The following KRIT1 variants were observed in gnomAD, a reference collection of about 807,000 sequenced individuals.
KRIT1 encodes KRIT1 ankyrin repeat containing.
A neutral mutation model predicts 95.8 loss-of-function variants in KRIT1; 45 were observed. The ratio of observed to expected loss-of-function variants is 0.47; its 90% CI spans 0.37 to 0.60. The LOEUF is 0.60. Ranked by LOEUF, KRIT1 falls within the 20% of genes least tolerant of loss-of-function variation. The probability of loss-of-function intolerance (pLI) is 0.00; values close to 1 mark genes in which losing one functional copy is unlikely to be tolerated. For synonymous variants in KRIT1, 282 were observed against 278.8 expected, an observed-to-expected ratio of 1.01 and a Z score of -0.11; for missense variants, 788 against 877.5, an observed-to-expected ratio of 0.90 and a Z score of 1.29.
chr7:92,203,996 G>A (rs940334820), intron 17 of KRIT1: 2 of 152,756 alleles, frequency 1.3e-5, no homozygotes, highest in Non-Finnish European at 2.9e-5. Context: ...ACTTTGTGAG[G>A]CTAAGGTGGG....
rs781645704 is a variant in KRIT1, at chr7:92,200,738, A to G, written c.2209T>C (p.Ter737ArgextTer13). Residue 737 changes from the stop codon to arginine (R), a stop_lost, in exon 19 of 19, where the codon TGA becomes CGA. Transcript: ENST00000394505. Reference protein sequence around the residue: ...GQLMPTERNS* With the variant: ...GQLMPTERNSR The stretch of plus-strand genomic sequence containing the variant: ...CTTGAGTAACAGTTACTTCTCTTTC[A>G]TGAATTTCTTTCAGTGGGCATTAAC... 6.3e-7 allele frequency: 1 copy of G among 1,592,928 alleles called. No individual in the cohort carries two copies. The highest frequency in any genetic ancestry group is 8.6e-7 in the Non-Finnish European group (1 of 1,160,724).
chr7:92,227,948 G>A (rs1796526358), intron 10 of KRIT1, among the ~76,000 whole-genome samples: 1 of 152,052 alleles, frequency 6.6e-6, no homozygotes, highest in African/African-American at 2.4e-5. Flanking sequence ...GGAGGCGGAG[G>A]TTGCAGTGAG....
In KRIT1 at chr7:92,234,425, GA is replaced by G. The variant is rs1317403313; in HGVS notation, c.989+23del. On this transcript the variant is annotated intron_variant, in intron 10 of 18. Coordinates refer to ENST00000394505, the MANE Select transcript of KRIT1 (RefSeq NM_194454.3). ...ATAAAAAATGTATTCTTTCTAAAAA[GA>G]AAAGAATAAATATTCCATTTACCAG... The G allele has an allele frequency of 2.6e-6, 4 of 1,532,654 alleles. No individual in the cohort carries two copies. The East Asian group carries it at 6.7e-5, about 26-fold the overall frequency. The allele number at this position is 1,532,654 out of a possible 1,614,324, so 94.9% of individuals were successfully genotyped here. A position where few individuals can be genotyped will look rare whatever the true frequency, so the allele number is the denominator to read the frequency against.
chr7:92,214,467 A>C (rs941533927), intron 15 of KRIT1, 144 bp downstream of exon 15: 1 of 644,728 alleles, frequency 1.6e-6, no homozygotes, highest in Non-Finnish European at 2.7e-6. Flanking sequence ...CTTTAGTATA[A>C]TATTTTTTCT....
intron 10 of KRIT1, among the ~76,000 whole-genome samples, chr7:92,231,180 T>C (rs535833752): frequency 6.6e-6 from 1 of 152,272 alleles, no homozygotes; most frequent in East Asian, 1.9e-4. Flanking sequence ...ATTTACTGAG[T>C]GGCTGTTAAG....
Position 92,199,466 on chromosome 7 carries a change from T to A in KRIT1, c.*1270A>T, listed in dbSNP as rs1369724143. The A allele has an allele frequency of 6.6e-6, 1 of 152,246 alleles. No individual in the cohort carries two copies. Among genetic ancestry groups the A allele is most frequent in the Non-Finnish European group, 1.5e-5 (1 of 68,044 alleles). 9.4% of individuals were successfully genotyped at this position (152,246 alleles called of 1,614,324 possible). A position where few individuals can be genotyped will look rare whatever the true frequency, so the allele number is the denominator to read the frequency against. On this transcript the variant is annotated 3_prime_UTR_variant, in exon 19 of 19. Transcript: ENST00000394505. ...TGGAAAAACTGTAGTTTCTAGCTTATGAATAGCACATTCATCAAGTTGGCT... is the reference window on the plus strand; with the variant it reads ...TGGAAAAACTGTAGTTTCTAGCTTAAGAATAGCACATTCATCAAGTTGGCT...
At chr7:92,206,714 G>T (rs1791569866) in intron 17 of KRIT1, 2 of 152,012 alleles carry the variant, frequency 1.3e-5, no homozygotes, top group South Asian at 4.2e-4. Context: ...TAATTCTTCA[G>T]TAACAGATGC....
At chr7:92,211,172 C>T (rs1384233756) in intron 17 of KRIT1, among the ~76,000 whole-genome samples, 11 of 152,202 alleles carry the variant, frequency 7.2e-5, no homozygotes, top group Non-Finnish European at 1.2e-4. Context: ...AGCAATCTCA[C>T]TACTGAGTAT....
intron 10 of KRIT1, among the ~76,000 whole-genome samples, 181 bp downstream of exon 10, chr7:92,234,268 C>A (rs1297056031): frequency 6.6e-6 from 1 of 152,160 alleles, no homozygotes; most frequent in Non-Finnish European, 1.5e-5. Flanking sequence ...CCCCATAGGG[C>A]AGACCTTACA....
chr7:92,207,858 TA>T (rs1334330901), intron 17 of KRIT1, among the ~76,000 whole-genome samples: 1 of 151,976 alleles, frequency 6.6e-6, no homozygotes, highest in Admixed American at 6.6e-5. Flanking sequence ...ACTCTGTCTC[TA>T]AAAAAATATA....
intron 3 of KRIT1, 48 bp downstream of exon 3, chr7:92,243,954 A>C (rs1300584689): frequency 6.6e-6 from 1 of 152,128 alleles, no homozygotes; most frequent in Admixed American, 6.5e-5. Flanking sequence ...TACTTCATGA[A>C]ATTTTTTTCA....
Position 92,235,628 on chromosome 7 carries a change from A to T in KRIT1, c.504T>A (p.His168Gln). The change falls in exon 8 of 19, where the codon CAT becomes CAA. Residue 168 changes from histidine to glutamine, a missense_variant. His to Gln is a conservative substitution (Grantham distance 24). Coordinates refer to ENST00000394505, the MANE Select transcript of KRIT1 (RefSeq NM_194454.3). ...AAGCTGGAATAAAGTGAGATTGTGC[A>T]TGACGTTCATCTAACCACCTGGCAA... ...IALDKWLDER[H>Q]AQSHFIPALF... 1 of 1,613,926 alleles carries T rather than the reference A, an allele frequency of 6.2e-7. No individual in the cohort carries two copies. Among genetic ancestry groups the T allele is most frequent in the Non-Finnish European group, 8.5e-7 (1 of 1,179,938 alleles).
chr7:92,206,023 C>T (rs1480915731), intron 17 of KRIT1: 1 of 152,736 alleles, frequency 6.5e-6, no homozygotes, highest in Non-Finnish European at 1.5e-5. Flanking sequence ...CCTGCAAACT[C>T]CAGAGGTGGG....
In KRIT1 at chr7:92,222,923, T is replaced by C; in HGVS notation, c.1310A>G (p.Lys437Arg). 1.2e-6 allele frequency: 2 copies of C among 1,608,164 alleles called. No homozygotes were observed. Among genetic ancestry groups the C allele is most frequent in the Non-Finnish European group, 1.7e-6 (2 of 1,174,684 alleles). Residue 437 changes from lysine to arginine, a missense_variant, in exon 13 of 19, where the codon AAG (lysine) becomes AGG (arginine). Around this residue, in one of 3 missense-constraint regions of KRIT1, gnomAD observed 493 missense variants for 582.3 expected, o/e 0.85. Coordinates refer to ENST00000394505, the MANE Select transcript of KRIT1 (RefSeq NM_194454.3). ...MDGSYRSVEL[K>R]HGNNTTVQQI... ...CTGCACTGTGGTATTATTTCCATGCTTCAATTCAACAGAACGATATGACCC... is the reference window on the plus strand; with the variant it reads ...CTGCACTGTGGTATTATTTCCATGCCTCAATTCAACAGAACGATATGACCC...
chr7:92,230,838 A>G (rs1797129545), intron 10 of KRIT1, among the ~76,000 whole-genome samples: 1 of 152,162 alleles, frequency 6.6e-6, no homozygotes, highest in Non-Finnish European at 1.5e-5. Context: ...GGGGGCAAAA[A>G]GGAGTATAGG....
At chr7:92,239,708 T>C (rs966433074) in intron 5 of KRIT1, among the ~76,000 whole-genome samples, 37 of 132,674 alleles carry the variant, frequency 2.8e-4, no homozygotes, top group Non-Finnish European at 5.1e-4. Flanking sequence ...ATGCAGGAAC[T>C]TTTTTTTTTT....
intron 17 of KRIT1, among the ~76,000 whole-genome samples, chr7:92,210,179 TA>T (rs373241584): frequency 2.0e-5 from 3 of 150,742 alleles, no homozygotes; most frequent in African/African-American, 4.9e-5. Context: ...TTTACAGAAA[TA>T]AAAAAAAATT....
intron 5 of KRIT1, among the ~76,000 whole-genome samples, chr7:92,240,018 T>C (rs983139948): frequency 1.3e-5 from 2 of 152,150 alleles, no homozygotes; most frequent in Non-Finnish European, 2.9e-5. Flanking sequence ...GTCTTATAAG[T>C]AGGAACTACT....
intron 14 of KRIT1, among the ~76,000 whole-genome samples, chr7:92,217,558 G>C (rs1422486895): frequency 6.6e-6 from 1 of 152,066 alleles, no homozygotes; most frequent in African/African-American, 2.4e-5. Context: ...TATTTAGTAT[G>C]TTTTCAAGGT....
Sources: gnomAD v4.1 joint callset for allele counts (sites outside exome capture counted in the v4.1 genomes callset) on GRCh38, gnomAD v4.1.1 for gene constraint, gnomAD v4.1.1 regional missense constraint, MANE v1.5 for transcripts, NCBI Gene and HGNC (gene_info 2026-07-23, HGNC 2026-07-21) for gene names.